Variants in IAPP observed in about 807,000 individuals in gnomAD.
IAPP encodes the protein Islet amyloid polypeptide (diabetes-associated peptide; amylin).
In IAPP, 4 loss-of-function variants were observed where a neutral mutation model predicts 2.9. That is an observed-to-expected ratio of 1.39 (90% CI 0.69 to 3.19). IAPP has a LOEUF of 3.19. Ranked by LOEUF, IAPP falls within the 30% of genes most tolerant of loss-of-function variation. The pLI is 0.01. For synonymous variants in IAPP, 40 were observed against 42.1 expected, an observed-to-expected ratio of 0.95 and a Z score of 0.19; for missense variants, 114 against 105.3, an observed-to-expected ratio of 1.08 and a Z score of -0.36.
chr12:21,371,541 C>A (rs1252147120), upstream of IAPP, among the ~76,000 whole-genome samples: 1 of 152,074 alleles, frequency 6.6e-6, no homozygotes, highest in Non-Finnish European at 1.5e-5. Flanking sequence ...TGTTACAAAG[C>A]TTTTAAGAAG....
intron 1 of IAPP, among the ~76,000 whole-genome samples, chr12:21,364,390 A>C (rs568426144): frequency 2.6e-5 from 4 of 152,320 alleles, no homozygotes; most frequent in African/African-American, 9.6e-5. Context: ...TATTGATGGG[A>C]TGTATCTCAA....
intron 1 of IAPP, among the ~76,000 whole-genome samples, chr12:21,362,841 C>T (rs1489333971): frequency 6.6e-6 from 1 of 152,126 alleles, no homozygotes; most frequent in African/African-American, 2.4e-5. Flanking sequence ...ACAAGAAGAG[C>T]TAACTATCCT....
At chr12:21,376,550 C>T (rs1192074409) in intron 2 of IAPP, among the ~76,000 whole-genome samples, 1 of 151,886 alleles carries the variant, frequency 6.6e-6, no homozygotes, top group Non-Finnish European at 1.5e-5. Context: ...TTTCTTTGCC[C>T]AGATAATTTG....
At chr12:21,376,345 T>A (rs551847146) in intron 2 of IAPP, 1 of 361,268 alleles carries the variant, frequency 2.8e-6, no homozygotes, top group South Asian at 2.1e-5. Flanking sequence ...AATTCCAATT[T>A]TTACTGTTTT....
upstream of IAPP, among the ~76,000 whole-genome samples, chr12:21,368,393 A>C (rs1177428723): frequency 6.6e-6 from 1 of 152,188 alleles, no homozygotes; most frequent in African/African-American, 2.4e-5. Context: ...TAACGGACAG[A>C]AAATTGTAAA....
intron 2 of IAPP, among the ~76,000 whole-genome samples, chr12:21,376,599 AT>A (rs2137106623): frequency 6.6e-6 from 1 of 152,266 alleles, no homozygotes; most frequent in Admixed American, 6.5e-5. Flanking sequence ...TTCAACAAGT[AT>A]CCAGTTCACC....
intron 1 of IAPP, among the ~76,000 whole-genome samples, chr12:21,364,117 T>A (rs1393791212): frequency 1.3e-5 from 2 of 151,968 alleles, no homozygotes; most frequent in South Asian, 2.1e-4. Context: ...TAGACCAATA[T>A]CCCTGATGAA....
chr12:21,377,419 A>G (rs777518661), intron 2 of IAPP, among the ~76,000 whole-genome samples: 64 of 152,198 alleles, frequency 4.2e-4, no homozygotes, highest in Non-Finnish European at 1.8e-4. Flanking sequence ...TTAAGAACAA[A>G]GCATGATATC....
intron 1 of IAPP, among the ~76,000 whole-genome samples, chr12:21,357,318 C>T (rs1210629434): frequency 6.6e-6 from 1 of 152,140 alleles, no homozygotes. Context: ...GATAATGCCT[C>T]ATGGGAATGA....
At chr12:21,357,319 A>G (rs1262727018) in intron 1 of IAPP, among the ~76,000 whole-genome samples, 2 of 152,330 alleles carry the variant, frequency 1.3e-5, no homozygotes, top group East Asian at 3.9e-4. Context: ...ATAATGCCTC[A>G]TGGGAATGAA....
chr12:21,361,905 A>G (rs1462742672), intron 1 of IAPP, among the ~76,000 whole-genome samples: 1 of 152,198 alleles, frequency 6.6e-6, no homozygotes, highest in Admixed American at 6.5e-5. Context: ...TGAAAAGACC[A>G]AATCTACGTC....
At chr12:21,359,026 G>C (rs1306654280) in intron 1 of IAPP, among the ~76,000 whole-genome samples, 1 of 152,188 alleles carries the variant, frequency 6.6e-6, no homozygotes, top group Admixed American at 6.5e-5. Flanking sequence ...GCTTAGCTAA[G>C]ACAGCAATGT....
intron 1 of IAPP, among the ~76,000 whole-genome samples, chr12:21,364,824 G>A (rs183283137): frequency 1.1e-3 from 161 of 152,208 alleles, no homozygotes; most frequent in African/African-American, 3.6e-3. Context: ...AAATACCTAG[G>A]AATCCAACTT....
chr12:21,371,656 C>G (rs1939799883), upstream of IAPP, among the ~76,000 whole-genome samples: 1 of 152,144 alleles, frequency 6.6e-6, no homozygotes, highest in African/African-American at 2.4e-5. Context: ...ATTTGCTTTA[C>G]ATGACACTAA....
upstream of IAPP, among the ~76,000 whole-genome samples, chr12:21,369,499 T>C (rs1200114313): frequency 6.6e-6 from 1 of 152,372 alleles, no homozygotes; most frequent in East Asian, 1.9e-4. Flanking sequence ...AAGTCACTTA[T>C]GTTCTTTGAA....
intron 1 of IAPP, among the ~76,000 whole-genome samples, chr12:21,363,765 A>G (rs762033298): frequency 1.1e-4 from 16 of 152,224 alleles, no homozygotes; most frequent in Non-Finnish European, 1.8e-4. Context: ...AATACTATAA[A>G]CACCTCTGTG....
chr12:21,364,165 C>T (rs1007144636), intron 1 of IAPP, among the ~76,000 whole-genome samples: 4 of 151,906 alleles, frequency 2.6e-5, no homozygotes, highest in African/African-American at 7.3e-5. Context: ...ACTGGCAAAC[C>T]GAATCCAGCA....
upstream of IAPP, among the ~76,000 whole-genome samples, chr12:21,370,649 C>T (rs1939716648): frequency 6.6e-6 from 1 of 151,446 alleles, no homozygotes; most frequent in Non-Finnish European, 1.5e-5. Context: ...TGTTTGGCAC[C>T]CTTAACATCT....
intron 1 of IAPP, among the ~76,000 whole-genome samples, chr12:21,360,900 G>A (rs992129933): frequency 2.6e-5 from 4 of 152,162 alleles, no homozygotes; most frequent in East Asian, 1.9e-4. Flanking sequence ...ACTCGAACTC[G>A]GTGGAGCCCA....
Sources: gnomAD v4.1 joint callset for allele counts (sites outside exome capture counted in the v4.1 genomes callset) on GRCh38, gnomAD v4.1.1 for gene constraint, MANE v1.5 for transcripts, NCBI Gene and HGNC (gene_info 2026-07-23, HGNC 2026-07-21) for gene names.